The following IL1RAPL2 variants were observed in gnomAD, a reference collection of about 807,000 sequenced individuals.
IL1RAPL2 encodes interleukin 1 receptor accessory protein like 2.
In IL1RAPL2, 3 loss-of-function variants were observed where a neutral mutation model predicts 44.1. The ratio of observed to expected loss-of-function variants is 0.07; its 90% CI spans 0.03 to 0.18. IL1RAPL2 has a LOEUF of 0.18. Among genes scored for constraint, IL1RAPL2 ranks in the 10% least tolerant of loss-of-function variants. IL1RAPL2 has a pLI of 1.00. For missense variants in IL1RAPL2, 391 were observed against 496.4 expected, an observed-to-expected ratio of 0.79 and a Z score of 2.02; for synonymous variants, 181 against 178.8, an observed-to-expected ratio of 1.01 and a Z score of -0.10.
At chrX:105,075,806 G>C (rs565135923) in intron 2 of IL1RAPL2, among the ~76,000 whole-genome samples, 108 of 111,667 alleles carry the variant, frequency 9.7e-4, no homozygotes, top group Middle Eastern at 4.6e-3. Context: ...TCCATTTCTT[G>C]TAGATTTTCT....
intron 2 of IL1RAPL2, among the ~76,000 whole-genome samples, chrX:104,795,546 G>A (rs1235027290): frequency 9.1e-6 from 1 of 110,175 alleles, no homozygotes; most frequent in Non-Finnish European, 1.9e-5. Flanking sequence ...AAAAGTGATG[G>A]ATCAAGTTGT....
At chrX:105,003,508 G>A (rs2030888198) in intron 2 of IL1RAPL2, among the ~76,000 whole-genome samples, 1 of 110,657 alleles carries the variant, frequency 9.0e-6, no homozygotes, top group Admixed American at 9.7e-5. Flanking sequence ...GCATGTGCAT[G>A]CCTCCCCCTC....
At chrX:104,908,636 C>G (rs977725967) in intron 2 of IL1RAPL2, among the ~76,000 whole-genome samples, 2 of 111,909 alleles carry the variant, frequency 1.8e-5, no homozygotes, top group African/African-American at 3.3e-5. Flanking sequence ...TTGGCCCCCA[C>G]TGTCTTCTGG....
At chrX:105,005,885 T>A (rs1569359575) in intron 2 of IL1RAPL2, among the ~76,000 whole-genome samples, 1 of 111,080 alleles carries the variant, frequency 9.0e-6, no homozygotes, top group Non-Finnish European at 1.9e-5. Flanking sequence ...TATTATTCTT[T>A]TAAAGTAATG....
intron 2 of IL1RAPL2, among the ~76,000 whole-genome samples, chrX:104,821,868 A>G (rs1402699684): frequency 8.9e-6 from 1 of 112,097 alleles, no homozygotes; most frequent in East Asian, 2.8e-4. Context: ...CCAACAGTGT[A>G]AAAGCATTCC....
At chrX:105,253,777 C>T (rs1005145484) in intron 4 of IL1RAPL2, among the ~76,000 whole-genome samples, 12 of 111,708 alleles carry the variant, frequency 1.1e-4, no homozygotes, top group Admixed American at 6.7e-4. Context: ...AGTTAGCTAC[C>T]ACTTATAAGT....
At chrX:105,374,386 G>A (rs1338218294) in intron 5 of IL1RAPL2, among the ~76,000 whole-genome samples, 1 of 111,152 alleles carries the variant, frequency 9.0e-6, no homozygotes, top group Non-Finnish European at 1.9e-5. Flanking sequence ...AATATCATTG[G>A]TAGTTTGATA....
chrX:105,152,432 T>C (rs1298782692), intron 2 of IL1RAPL2, among the ~76,000 whole-genome samples: 1 of 112,159 alleles, frequency 8.9e-6, no homozygotes. Flanking sequence ...TCCTTTGTTG[T>C]TTGGTAAATT....
At chrX:105,759,410 C>T (rs1309457822) in intron 10 of IL1RAPL2, among the ~76,000 whole-genome samples, 1 of 111,938 alleles carries the variant, frequency 8.9e-6, no homozygotes, top group Non-Finnish European at 1.9e-5. Context: ...GTTTTTACCT[C>T]AATTTCCCCT....
intron 2 of IL1RAPL2, among the ~76,000 whole-genome samples, chrX:104,910,585 T>G (rs1924204918): frequency 8.9e-6 from 1 of 111,925 alleles, no homozygotes; most frequent in African/African-American, 3.3e-5. Flanking sequence ...GTTCTCTTCC[T>G]AATGTATTTT....
chrX:104,609,314 T>A (rs1206764635), intron 1 of IL1RAPL2, among the ~76,000 whole-genome samples: 2 of 111,846 alleles, frequency 1.8e-5, no homozygotes, highest in Admixed American at 1.9e-4. Context: ...CCTTGGTGAA[T>A]CTGATGATTA....
At chrX:105,729,395 T>A (rs1445167497) in intron 7 of IL1RAPL2, among the ~76,000 whole-genome samples, 2 of 111,717 alleles carry the variant, frequency 1.8e-5, no homozygotes, top group African/African-American at 6.5e-5. Context: ...TCAGTCATTC[T>A]AATAGGTGTG....
At chrX:105,697,102 T>A (rs2038082154) in intron 6 of IL1RAPL2, among the ~76,000 whole-genome samples, 1 of 109,689 alleles carries the variant, frequency 9.1e-6, no homozygotes, top group Admixed American at 9.8e-5. Flanking sequence ...AGCCAGTTCT[T>A]ACATGAACTA....
In IL1RAPL2 at chrX:105,563,142, C is replaced by T. The variant is rs910093099; in HGVS notation, c.772+78755C>T. The stretch of plus-strand genomic sequence containing the variant: ...TTTTTAACAATACACATTTATTGAG[C>T]GCCTATCATGTGCCAGCCATGTGAA... On this transcript the variant is annotated intron_variant, in intron 6 of 10. Coordinates refer to ENST00000372582, the MANE Select transcript of IL1RAPL2 (RefSeq NM_017416.2). 3.6e-5 allele frequency among the ~76,000 whole-genome samples: 4 copies of T among 111,633 alleles called. No individual in the cohort carries two copies. The Admixed American group carries it at 3.8e-4, about 11-fold the overall frequency.
chrX:105,419,620 C>T (rs2035760067), intron 5 of IL1RAPL2, among the ~76,000 whole-genome samples: 1 of 112,012 alleles, frequency 8.9e-6, no homozygotes, highest in South Asian at 3.7e-4. Flanking sequence ...AAAGAAAAAA[C>T]TTCTATATTT....
chrX:105,652,525 T>C (rs944896784), intron 6 of IL1RAPL2, among the ~76,000 whole-genome samples: 1 of 111,699 alleles, frequency 9.0e-6, no homozygotes, highest in Non-Finnish European at 1.9e-5. Flanking sequence ...ATACTACTTG[T>C]TGGTGGCTGA....
At chrX:105,001,867 C>G (rs1332109318) in intron 2 of IL1RAPL2, among the ~76,000 whole-genome samples, 1 of 110,978 alleles carries the variant, frequency 9.0e-6, no homozygotes, top group African/African-American at 3.3e-5. Flanking sequence ...AAAGCAGAAG[C>G]AATTCATAGG....
At chrX:104,685,093 A>C (rs1406746861) in intron 2 of IL1RAPL2, among the ~76,000 whole-genome samples, 1 of 112,205 alleles carries the variant, frequency 8.9e-6, no homozygotes, top group African/African-American at 3.2e-5. Context: ...TGTGAAATTC[A>C]AGCTTCTAGG....
intron 2 of IL1RAPL2, among the ~76,000 whole-genome samples, chrX:105,143,840 A>G (rs187895565): frequency 0.013 from 1,473 of 109,532 alleles, 24 homozygotes; most frequent in African/African-American, 0.046. Flanking sequence ...GGCCTGTTGT[A>G]GGGTGGAGGG....
Sources: gnomAD v4.1 joint callset for allele counts (sites outside exome capture counted in the v4.1 genomes callset) on GRCh38, gnomAD v4.1.1 for gene constraint, MANE v1.5 for transcripts, NCBI Gene and HGNC (gene_info 2026-07-23, HGNC 2026-07-21) for gene names.